ARHGAP15: variants seen among roughly 807,000 people sequenced by gnomAD.
ARHGAP15 encodes Rho GTPase activating protein 15, also known as rho GTPase-activating protein 15.
A neutral mutation model predicts 63.7 loss-of-function variants in ARHGAP15; 51 were observed. The ratio of observed to expected loss-of-function variants is 0.80; its 90% confidence interval spans 0.64 to 1.01. The LOEUF (loss-of-function observed/expected upper bound fraction) is 1.01, where lower values mean the gene tolerates loss of function less well. Ranked by LOEUF, ARHGAP15 falls within the 50% of genes least tolerant of loss-of-function variation. The pLI, the probability that ARHGAP15 is intolerant of heterozygous loss-of-function variation, is 0.00. For synonymous variants in ARHGAP15, 191 were observed against 193.8 expected (o/e 0.99, Z 0.12); for missense variants, 560 against 564.6 (o/e 0.99, Z 0.08).
intron 13 of ARHGAP15, among the ~76,000 whole-genome samples, chr2:143,728,201 C>A (rs1685370957): frequency 6.6e-6 from 1 of 152,204 alleles, no homozygotes; most frequent in Admixed American, 6.5e-5. Flanking sequence ...ACATGGCCAC[C>A]TTCTTGCTGT....
At chr2:143,314,260 T>C (rs1341895617) in intron 6 of ARHGAP15, among the ~76,000 whole-genome samples, 1 of 152,246 alleles carries the variant, frequency 6.6e-6, no homozygotes, top group African/African-American at 2.4e-5. Flanking sequence ...AATTTTATTT[T>C]ATTTTTAATT....
At chr2:143,484,372 A>AC (rs920069509) in intron 8 of ARHGAP15, among the ~76,000 whole-genome samples, 2 of 151,402 alleles carry the variant, frequency 1.3e-5, no homozygotes, top group African/African-American at 4.9e-5. Flanking sequence ...TCTCAAAAAA[A>AC]AAAAAAAAAA....
intron 12 of ARHGAP15, among the ~76,000 whole-genome samples, chr2:143,699,664 C>A (rs2105413386): frequency 6.6e-6 from 1 of 152,262 alleles, no homozygotes; most frequent in East Asian, 1.9e-4. Flanking sequence ...CTTTCACCAA[C>A]TGGCACCAAC....
chr2:143,218,530 CA>C (rs140009523), intron 4 of ARHGAP15, among the ~76,000 whole-genome samples: 1 of 151,832 alleles, frequency 6.6e-6, no homozygotes, highest in Admixed American at 6.6e-5. Flanking sequence ...ATGTGGCATT[CA>C]AAAAAGAATG....
chr2:143,240,934 A>G (rs956480488), intron 5 of ARHGAP15, among the ~76,000 whole-genome samples: 38 of 152,264 alleles, frequency 2.5e-4, no homozygotes, highest in African/African-American at 8.7e-4. Context: ...ACAGAAATCC[A>G]TGAAATTGAC....
intron 8 of ARHGAP15, among the ~76,000 whole-genome samples, chr2:143,437,741 T>C (rs900086685): frequency 6.6e-6 from 1 of 152,106 alleles, no homozygotes; most frequent in Admixed American, 6.6e-5. Context: ...AAGGTAGACA[T>C]CTGGCTGGGC....
chr2:143,259,011 G>A (rs1308623115), intron 6 of ARHGAP15, among the ~76,000 whole-genome samples: 1 of 144,690 alleles, frequency 6.9e-6, no homozygotes, highest in African/African-American at 2.6e-5. Flanking sequence ...GAAAGACCTT[G>A]ATTGTGGTCT....
intron 8 of ARHGAP15, among the ~76,000 whole-genome samples, chr2:143,437,822 G>A (rs973630109): frequency 3.9e-5 from 6 of 152,042 alleles, no homozygotes; most frequent in African/African-American, 1.4e-4. Flanking sequence ...TCAGGAGCTC[G>A]AGATCATCCT....
chr2:143,199,355 C>T (rs1200999219), intron 2 of ARHGAP15, among the ~76,000 whole-genome samples: 3 of 152,252 alleles, frequency 2.0e-5, no homozygotes, highest in South Asian at 2.1e-4. Flanking sequence ...TTATTTCTCA[C>T]TTATGTAACA....
intron 8 of ARHGAP15, among the ~76,000 whole-genome samples, chr2:143,486,221 A>G (rs1227468926): frequency 6.6e-6 from 1 of 152,168 alleles, no homozygotes; most frequent in East Asian, 1.9e-4. Flanking sequence ...TGGAGCGTTC[A>G]GTTAAGATAT....
intron 8 of ARHGAP15, among the ~76,000 whole-genome samples, chr2:143,463,527 C>T (rs1028761744): frequency 5.9e-5 from 7 of 119,012 alleles, no homozygotes; most frequent in African/African-American, 1.7e-4. Context: ...TAATCAAGAG[C>T]GAAACTCCAT....
chr2:143,136,555 G>A (rs768968465), intron 1 of ARHGAP15, among the ~76,000 whole-genome samples: 6 of 151,220 alleles, frequency 4.0e-5, no homozygotes, highest in Non-Finnish European at 8.8e-5. Flanking sequence ...CAACCTTTTA[G>A]TCAGACTTTT....
At chr2:143,579,871 A>AT (rs1286358277) in intron 11 of ARHGAP15, among the ~76,000 whole-genome samples, 4 of 150,798 alleles carry the variant, frequency 2.7e-5, no homozygotes, top group South Asian at 2.1e-4. Context: ...CATTTGTTTT[A>AT]TTTTTTTATT....
intron 1 of ARHGAP15, among the ~76,000 whole-genome samples, chr2:143,151,762 A>G (rs1281469122): frequency 6.6e-6 from 1 of 151,934 alleles, no homozygotes; most frequent in African/African-American, 2.4e-5. Flanking sequence ...TTGAAAGGGA[A>G]TAAAGAAAGG....
At chr2:143,565,738 G>A (rs1696193283) in intron 11 of ARHGAP15, among the ~76,000 whole-genome samples, 1 of 152,110 alleles carries the variant, frequency 6.6e-6, no homozygotes, top group South Asian at 2.1e-4. Flanking sequence ...GTTAGTAATT[G>A]AACATGTCAG....
At chr2:143,624,456 G>T (rs1312568802) in intron 12 of ARHGAP15, among the ~76,000 whole-genome samples, 189 bp downstream of exon 12, 3 of 151,936 alleles carry the variant, frequency 2.0e-5, no homozygotes, top group African/African-American at 7.3e-5. Flanking sequence ...ATTATCTGAG[G>T]TTTGTTTGTT....
chr2:143,425,123 C>T (rs1689086815), intron 6 of ARHGAP15, among the ~76,000 whole-genome samples: 1 of 152,080 alleles, frequency 6.6e-6, no homozygotes, highest in South Asian at 2.1e-4. Context: ...TAAGTGGTAA[C>T]ATTTCAATAC....
chr2:143,305,031 G>A (rs959463282), intron 6 of ARHGAP15, among the ~76,000 whole-genome samples: 3 of 152,050 alleles, frequency 2.0e-5, no homozygotes, highest in African/African-American at 7.2e-5. Flanking sequence ...GCACACATAT[G>A]TCTATTGTGG....
intron 6 of ARHGAP15, among the ~76,000 whole-genome samples, chr2:143,382,263 T>C (rs1196917874): frequency 1.3e-5 from 2 of 152,126 alleles, no homozygotes; most frequent in Non-Finnish European, 2.9e-5. Flanking sequence ...TAACCTCTTG[T>C]CTCACTGTTT....
Sources: gnomAD v4.1 joint callset for allele counts (sites outside exome capture counted in the v4.1 genomes callset) on GRCh38, gnomAD v4.1.1 for gene constraint, MANE v1.5 for transcripts, NCBI Gene and HGNC (gene_info 2026-07-23, HGNC 2026-07-21) for gene names.